The following ZMYM4 variants were observed in gnomAD, a reference collection of about 807,000 sequenced individuals.
The protein encoded by ZMYM4 is zinc finger MYM-type containing 4.
Under a neutral mutation model 183.2 loss-of-function variants are expected in ZMYM4, and 31 were observed. The ratio of observed to expected loss-of-function variants is 0.17; its 90% CI spans 0.13 to 0.23. The LOEUF (loss-of-function observed/expected upper bound fraction) is 0.23. Ranked by LOEUF, ZMYM4 falls within the 10% of genes least tolerant of loss-of-function variation. ZMYM4 has a pLI of 1.00. For missense variants in ZMYM4, 1,273 were observed against 1,840.3 expected (o/e 0.69, Z 5.64); for synonymous variants, 592 against 631.2 (o/e 0.94, Z 0.93).
In ZMYM4 at chr1:35,387,646, G is replaced by C. The variant is rs776043631; in HGVS notation, c.2263+42G>C. ...ATCTTACCTACTGAGCATGTTGGTTGTTTTAAAGCAGTTGATGATGATTTA... is the reference window on the plus strand; with the variant it reads ...ATCTTACCTACTGAGCATGTTGGTTCTTTTAAAGCAGTTGATGATGATTTA... On this transcript the variant is annotated intron_variant, in intron 13 of 29. Transcript: ENST00000314607. 7 of 1,561,410 alleles carry C rather than the reference G, an allele frequency of 4.5e-6. No homozygotes were observed. The Admixed American group carries it at 1.4e-4, about 32-fold the overall frequency.
chr1:35,412,511 A>G (rs1458992410), intron 26 of ZMYM4, among the ~76,000 whole-genome samples: 1 of 152,060 alleles, frequency 6.6e-6, no homozygotes, highest in Non-Finnish European at 1.5e-5. Flanking sequence ...TTTTTTAAAC[A>G]TGTATGTTGC....
At chr1:35,332,040 C>T (rs1642776383) in intron 2 of ZMYM4, among the ~76,000 whole-genome samples, 1 of 151,862 alleles carries the variant, frequency 6.6e-6, no homozygotes, top group Non-Finnish European at 1.5e-5. Flanking sequence ...ATCTAGAATA[C>T]ATTTACTAAT....
At chr1:35,376,343 C>G (rs1644333327) in intron 7 of ZMYM4, among the ~76,000 whole-genome samples, 1 of 152,128 alleles carries the variant, frequency 6.6e-6, no homozygotes, top group Non-Finnish European at 1.5e-5. Context: ...TTTTATACTT[C>G]CATTTCCTTG....
rs561976318 is a variant in ZMYM4 at position 35,351,675 on chromosome 1, C to A, written c.86-7250C>A. 124 of 495,504 alleles carry A rather than the reference C, an allele frequency of 2.5e-4. 1 individual carries two copies. The highest frequency in any genetic ancestry group is 3.9e-4 in the Non-Finnish European group (108 of 279,578). 30.7% of individuals were successfully genotyped at this position (495,504 alleles called of 1,614,324 possible). A position where few individuals can be genotyped will look rare whatever the true frequency, so the allele number is the denominator to read the frequency against. On this transcript the variant is annotated intron_variant, in intron 2 of 29. Coordinates refer to ENST00000314607, the MANE Select transcript of ZMYM4 (RefSeq NM_005095.3). ...AACTGATGGATAGCAACAACAACAA[C>A]AAAAAACAGAAATCAAAAAAACAAA...
At chr1:35,303,299 A>C (rs1040719832) in intron 1 of ZMYM4, among the ~76,000 whole-genome samples, 22 of 66,234 alleles carry the variant, frequency 3.3e-4, no homozygotes, top group Non-Finnish European at 1.1e-3. Flanking sequence ...AAAAAAAAAA[A>C]AAAAGAAAAG....
At chr1:35,377,052 G>A (rs1220453345) in intron 7 of ZMYM4, among the ~76,000 whole-genome samples, 4 of 151,582 alleles carry the variant, frequency 2.6e-5, no homozygotes, top group South Asian at 2.1e-4. Flanking sequence ...GACTACAGGC[G>A]CATGCCACCA....
At chr1:35,362,701 G>C (rs916314357) in intron 5 of ZMYM4, among the ~76,000 whole-genome samples, 11 of 151,522 alleles carry the variant, frequency 7.3e-5, no homozygotes, top group African/African-American at 2.7e-4. Flanking sequence ...CTTTCTTTTT[G>C]TTTTTTCTCT....
At chr1:35,371,082 TGTGTGTGTGTGTGTGTGTGTGTGTGC>T (rs1167255466) in intron 7 of ZMYM4, among the ~76,000 whole-genome samples, 2 of 120,220 alleles carry the variant, frequency 1.7e-5, no homozygotes, top group Non-Finnish European at 3.4e-5. Flanking sequence ...TGTGTGTGTG[TGTGTGTGTGTGTGTGTGTGTGTGTGC>T]GCACATTTAT....
chr1:35,343,988 A>C (rs1643299637), intron 2 of ZMYM4, among the ~76,000 whole-genome samples: 1 of 152,086 alleles, frequency 6.6e-6, no homozygotes, highest in Non-Finnish European at 1.5e-5. Context: ...TTAAATCTCT[A>C]GATTAATTTG....
intron 2 of ZMYM4, among the ~76,000 whole-genome samples, chr1:35,355,121 C>T (rs1643769992): frequency 6.6e-6 from 1 of 151,584 alleles, no homozygotes; most frequent in African/African-American, 2.4e-5. Flanking sequence ...GCAAGCTTCG[C>T]CTTCCAGGTT....
intron 27 of ZMYM4, among the ~76,000 whole-genome samples, chr1:35,415,204 C>T (rs1185184861): frequency 1.3e-5 from 2 of 152,130 alleles, no homozygotes; most frequent in Non-Finnish European, 2.9e-5. Context: ...CTTTCTGGCC[C>T]TTTATAAAGA....
intron 2 of ZMYM4, among the ~76,000 whole-genome samples, chr1:35,339,990 T>C (rs1015393139): frequency 1.3e-5 from 2 of 152,214 alleles, no homozygotes; most frequent in Non-Finnish European, 2.9e-5. Context: ...TTCTAATGAA[T>C]GAGCTGTGTA....
chr1:35,383,471 C>T (rs186711758), intron 9 of ZMYM4, among the ~76,000 whole-genome samples: 2 of 151,928 alleles, frequency 1.3e-5, no homozygotes, highest in Admixed American at 6.6e-5. Flanking sequence ...GGAATTTAAG[C>T]GTGTTTCAAT....
In ZMYM4 at chr1:35,370,538, C is replaced by T. The variant is rs1237618502; in HGVS notation, c.1092C>T (p.Phe364=). The T allele has an allele frequency of 8.7e-6, 14 of 1,613,468 alleles. No homozygotes were observed. Among genetic ancestry groups the T allele is most frequent in the East Asian group, 2.2e-5 (1 of 44,866 alleles). Residue 364 remains phenylalanine (F), a synonymous_variant, in exon 7 of 30, where the codon TTC becomes TTT. Coordinates refer to ENST00000314607, the MANE Select transcript of ZMYM4 (RefSeq NM_005095.3). ...AYQRKGSTQL[F]CSTLCLTGYT... ...AGAGGAAAGGGTCTACTCAGCTATT[C>T]TGCTCCACACTGTGCCTCACTGGAT...
chr1:35,296,843 CTTTTT>C (rs780202714), intron 1 of ZMYM4, among the ~76,000 whole-genome samples: 3 of 95,602 alleles, frequency 3.1e-5, no homozygotes, highest in Admixed American at 1.3e-4. Context: ...TTCTTTCTTT[CTTTTT>C]TTTTTTTTTT....
intron 20 of ZMYM4, among the ~76,000 whole-genome samples, chr1:35,398,156 C>T (rs183762000): frequency 3.9e-5 from 6 of 152,208 alleles, no homozygotes; most frequent in Admixed American, 6.5e-5. Context: ...CCAGAAGTGG[C>T]GGAACCAGAA....
intron 1 of ZMYM4, among the ~76,000 whole-genome samples, chr1:35,303,097 A>G: frequency 6.7e-6 from 1 of 148,314 alleles, no homozygotes. Context: ...AAACCTGGCA[A>G]AAAAAAAAAA....
At position 35,389,781 on chromosome 1, in the gene ZMYM4, A is replaced by ATGTGTGTGTGTGTGTGTG. The variant is rs139535337; in HGVS notation, c.2437-157_2437-140dup. 5.8e-4 allele frequency among the ~76,000 whole-genome samples: 82 copies of ATGTGTGTGTGTGTGTGTG among 141,470 alleles called. No homozygotes were observed. Among genetic ancestry groups the ATGTGTGTGTGTGTGTGTG allele is most frequent in the African/African-American group, 1.8e-3 (69 of 37,662 alleles). 92.8% of individuals were successfully genotyped at this position (141,470 alleles called of 152,430 possible). A position where few individuals can be genotyped will look rare whatever the true frequency, so the allele number is the denominator to read the frequency against. ...AAAAAAAAAAAAAATATATATATATATGTGTGTGTGTGTGTGTGTGTGTGT... is the reference window on the plus strand; with the variant it reads ...AAAAAAAAAAAAAATATATATATATATGTGTGTGTGTGTGTGTGTGTGTGTGTGTGTGTGTGTGTGTGT... On this transcript the variant is annotated intron_variant, in intron 14 of 29. Transcript: ENST00000314607. The surrounding 1 kb of genome is among the most constrained non-coding windows in gnomAD (Gnocchi z 4.0).
chr1:35,302,200 C>CCTTTTTTTTTTTTTTTTTTTTTTTTTTT (rs1641311910), intron 1 of ZMYM4, among the ~76,000 whole-genome samples: 1 of 58,556 alleles, frequency 1.7e-5, no homozygotes, highest in African/African-American at 6.4e-5. Context: ...ACGGCTCTTG[C>CCTTTTTTTTTTTTTTTTTTTTTTTTTTT]TTTTTTTTTT....
Sources: gnomAD v4.1 joint callset for allele counts (sites outside exome capture counted in the v4.1 genomes callset) on GRCh38, gnomAD v4.1.1 for gene constraint, Gnocchi (gnomAD v3.1) non-coding constraint, MANE v1.5 for transcripts, NCBI Gene and HGNC (gene_info 2026-07-23, HGNC 2026-07-21) for gene names.